JAKMIP3: variants seen among roughly 807,000 people sequenced by gnomAD.
JAKMIP3 encodes Janus kinase and microtubule interacting protein 3, also known as janus kinase and microtubule-interacting protein 3.
A neutral mutation model predicts 118.5 loss-of-function variants in JAKMIP3; 58 were observed. The ratio of observed to expected loss-of-function variants is 0.49; its 90% CI spans 0.40 to 0.61. The LOEUF (loss-of-function observed/expected upper bound fraction) is 0.61, where lower values mean the gene tolerates loss of function less well. JAKMIP3 is among the 20% of genes least tolerant of loss of function. The pLI is 0.00. For missense variants in JAKMIP3, 950 were observed against 1,109.0 expected, an observed-to-expected ratio of 0.86 and a Z score of 2.04; for synonymous variants, 486 against 451.2, an observed-to-expected ratio of 1.08 and a Z score of -0.98.
intron 1 of JAKMIP3, among the ~76,000 whole-genome samples, chr10:132,100,071 T>TCCTGCCC (rs2044586145): frequency 6.6e-6 from 1 of 152,118 alleles, no homozygotes; most frequent in Non-Finnish European, 1.5e-5. Context: ...CCACCCTGGC[T>TCCTGCCC]CCTGCCCCCG....
At chr10:132,178,691 A>G (rs1463485712) in intron 23 of JAKMIP3, among the ~76,000 whole-genome samples, 1 of 152,170 alleles carries the variant, frequency 6.6e-6, no homozygotes, top group East Asian at 1.9e-4. Context: ...TGCTTGTCTC[A>G]TGCACATTTT....
intron 1 of JAKMIP3, among the ~76,000 whole-genome samples, chr10:132,100,804 C>T (rs547844953): frequency 4.8e-5 from 6 of 125,506 alleles, no homozygotes; most frequent in Non-Finnish European, 8.8e-5. Context: ...ACCCCGGCCG[C>T]GCTCCCCATT....
At chr10:132,181,723 A>G (rs1397581169) in intron 23 of JAKMIP3, among the ~76,000 whole-genome samples, 2 of 152,118 alleles carry the variant, frequency 1.3e-5, no homozygotes, top group Admixed American at 6.5e-5. Flanking sequence ...AGGTTAAATC[A>G]AAAACCAAAA....
chr10:132,128,995 G>T (rs180960552), intron 3 of JAKMIP3, among the ~76,000 whole-genome samples: 1 of 152,280 alleles, frequency 6.6e-6, no homozygotes, highest in East Asian at 1.9e-4. Flanking sequence ...TTCGTTATTG[G>T]TTATTTTTCC....
intron 17 of JAKMIP3, among the ~76,000 whole-genome samples, 193 bp from the exon 18 acceptor site, chr10:132,153,566 C>T (rs2056610775): frequency 6.6e-6 from 1 of 152,064 alleles, no homozygotes; most frequent in Non-Finnish European, 1.5e-5. Context: ...ACTTCCTGGA[C>T]ACCTGGAGGG....
intron 1 of JAKMIP3, among the ~76,000 whole-genome samples, chr10:132,091,600 C>CT (rs1237163126): frequency 1.3e-5 from 2 of 152,022 alleles, no homozygotes; most frequent in African/African-American, 4.8e-5. Flanking sequence ...GCAACCCCTG[C>CT]TTTTTTTGTT....
At chr10:132,143,523 G>C (rs990838178) in intron 11 of JAKMIP3, among the ~76,000 whole-genome samples, 2 of 150,704 alleles carry the variant, frequency 1.3e-5, no homozygotes, top group Non-Finnish European at 3.0e-5. Flanking sequence ...TGCTTAGAGA[G>C]TAAAAATGTC....
intron 2 of JAKMIP3, among the ~76,000 whole-genome samples, chr10:132,108,795 G>A (rs2046305090): frequency 6.6e-6 from 1 of 150,802 alleles, no homozygotes; most frequent in Admixed American, 6.6e-5. Flanking sequence ...TTCAGCCCAG[G>A]AATTCGAGAC....
intron 23 of JAKMIP3, among the ~76,000 whole-genome samples, chr10:132,172,576 TCTTTG>T (rs1205765215): frequency 1.3e-5 from 2 of 151,914 alleles, no homozygotes; most frequent in African/African-American, 4.9e-5. Flanking sequence ...TTCTCCTATT[TCTTTG>T]CTTATGTATC....
At chr10:132,079,413 A>G (rs6560679) in intron 1 of JAKMIP3, among the ~76,000 whole-genome samples, 118,001 of 152,084 alleles carry the variant, frequency 0.78, 47,067 homozygotes, top group East Asian at 1. Flanking sequence ...ACTGGAGGGC[A>G]TGCATTTTCG....
intron 1 of JAKMIP3, among the ~76,000 whole-genome samples, chr10:132,091,150 G>A (rs2043039763): frequency 6.6e-6 from 1 of 152,204 alleles, no homozygotes; most frequent in African/African-American, 2.4e-5. Context: ...GAGACAGTTT[G>A]TTATAATTTC....
rs1309957003 is a variant in JAKMIP3 at position 132,104,757 on chromosome 10, C to G, written c.-52C>G. ...GACACCCCAGCCACCCCCAGCCCAG[C>G]CCAGCCGGAGCACCCTACCCCTGGG... On this transcript the variant is annotated 5_prime_UTR_variant, in exon 2 of 24. Coordinates refer to ENST00000684848, the MANE Select transcript of JAKMIP3 (RefSeq NM_001323087.2). 1 of 1,534,862 alleles carries G rather than the reference C, an allele frequency of 6.5e-7. No homozygotes were observed. Among genetic ancestry groups the G allele is most frequent in the Non-Finnish European group, 8.8e-7 (1 of 1,136,386 alleles).
At chr10:132,064,989 A>AG (rs1003601464), upstream of JAKMIP3, among the ~76,000 whole-genome samples, 13 of 152,172 alleles carry the variant, frequency 8.5e-5, no homozygotes, top group African/African-American at 3.1e-4. The surrounding 1 kb of genome is among the most constrained non-coding windows in gnomAD (Gnocchi z 4.4). Flanking sequence ...GGCTGGGAGC[A>AG]GGGGGGATGT....
intron 1 of JAKMIP3, among the ~76,000 whole-genome samples, chr10:132,081,288 G>T (rs2041730344): frequency 1.3e-5 from 2 of 152,190 alleles, no homozygotes; most frequent in South Asian, 4.2e-4. Context: ...GTAAACCCAG[G>T]ATTTATTTCT....
chr10:132,050,569 G>C (rs1434538784), intron 1 of JAKMIP3, among the ~76,000 whole-genome samples: 1 of 152,188 alleles, frequency 6.6e-6, no homozygotes, highest in African/African-American at 2.4e-5. Context: ...GTCATGCCAA[G>C]GGTGTAGTTT....
Position 132,042,216 on chromosome 10 carries a change from T to TTCCTTCCTTCCTTCCTTCC in JAKMIP3, c.-138+5480_-138+5481insCTTCCTTCCTTCCTTCCTC, listed in dbSNP as rs1257478085. ...CTTCCTTCCTTCCTTCCTTCCTTCC[T>TTCCTTCCTTCCTTCCTTCC]TCTTTCCTCCTCCTCCTTTCACAGG... On this transcript the variant is annotated intron_variant, in intron 1 of 23. Transcript: ENST00000657785. 3.2e-3 allele frequency among the ~76,000 whole-genome samples: 488 copies of TTCCTTCCTTCCTTCCTTCC among 151,040 alleles called. 3 individuals carry two copies. Among genetic ancestry groups the TTCCTTCCTTCCTTCCTTCC allele is most frequent in the African/African-American group, 0.011 (447 of 40,820 alleles).
At chr10:132,099,101 A>G (rs1434084503) in intron 1 of JAKMIP3, among the ~76,000 whole-genome samples, 4 of 151,942 alleles carry the variant, frequency 2.6e-5, no homozygotes, top group African/African-American at 9.7e-5. Flanking sequence ...GGGTGTGGAC[A>G]GGTCTGATTG....
chr10:132,124,982 C>G (rs192174976), intron 3 of JAKMIP3, among the ~76,000 whole-genome samples: 2 of 152,362 alleles, frequency 1.3e-5, no homozygotes, highest in Admixed American at 1.3e-4. Flanking sequence ...TGCCATTAAG[C>G]CAGAGTATTC....
At chr10:132,145,468 TTA>T in intron 12 of JAKMIP3, 48 bp from the exon 13 acceptor site, 1 of 1,493,514 alleles carries the variant, frequency 6.7e-7, no homozygotes. Flanking sequence ...AAACGTTGGT[TTA>T]TGAGTTCCTC....
Sources: gnomAD v4.1 joint callset for allele counts (sites outside exome capture counted in the v4.1 genomes callset) on GRCh38, gnomAD v4.1.1 for gene constraint, Gnocchi (gnomAD v3.1) non-coding constraint, MANE v1.5 for transcripts, NCBI Gene and HGNC (gene_info 2026-07-23, HGNC 2026-07-21) for gene names.